The following COMMD1 variants were observed in gnomAD, a reference collection of about 807,000 sequenced individuals.
COMMD1 encodes COMM domain-containing protein 1.
Under a neutral mutation model 17.2 loss-of-function variants are expected in COMMD1, and 10 were observed. The observed-to-expected ratio is 0.58, with a 90% CI of 0.36 to 0.99. COMMD1 has a LOEUF of 0.99. Ranked by LOEUF, COMMD1 falls within the 50% of genes least tolerant of loss-of-function variation. The probability of loss-of-function intolerance (pLI) is 0.01; values close to 1 mark genes in which losing one functional copy is unlikely to be tolerated. For synonymous variants in COMMD1, 97 were observed against 91.6 expected (o/e 1.06, Z -0.34); for missense variants, 270 against 231.8 (o/e 1.17, Z -1.07).
intron 2 of COMMD1, among the ~76,000 whole-genome samples, chr2:62,038,522 G>T (rs1670101734): frequency 6.6e-6 from 1 of 151,604 alleles, no homozygotes; most frequent in Admixed American, 6.6e-5. Flanking sequence ...TTTATTTTTT[G>T]ATATTTTATT....
At chr2:61,992,587 G>A (rs536552994) in intron 1 of COMMD1, among the ~76,000 whole-genome samples, 1 of 152,308 alleles carries the variant, frequency 6.6e-6, no homozygotes, top group Admixed American at 6.5e-5. Context: ...AGAATATGCA[G>A]CAGAGGGTTA....
At chr2:62,124,939 A>G (rs1264640447) in intron 2 of COMMD1, among the ~76,000 whole-genome samples, 1 of 152,124 alleles carries the variant, frequency 6.6e-6, no homozygotes, top group African/African-American at 2.4e-5. Context: ...TTCTTCCTTG[A>G]GTTTCTAGTA....
intron 2 of COMMD1, among the ~76,000 whole-genome samples, chr2:62,135,577 T>TGTGA (rs1650118271): frequency 6.6e-6 from 1 of 152,112 alleles, no homozygotes; most frequent in African/African-American, 2.4e-5. Context: ...GGTCTCGATC[T>TGTGA]CCTGACCTTG....
At chr2:62,046,291 C>T (rs1452626262) in intron 2 of COMMD1, among the ~76,000 whole-genome samples, 1 of 152,150 alleles carries the variant, frequency 6.6e-6, no homozygotes, top group South Asian at 2.1e-4. Context: ...TATAAAGGTA[C>T]AGAAAAGTAA....
intron 2 of COMMD1, among the ~76,000 whole-genome samples, chr2:62,063,868 AATATATAT>A (rs55740628): frequency 5.3e-4 from 43 of 81,174 alleles, no homozygotes; most frequent in Middle Eastern, 6.4e-3. Flanking sequence ...GTCTCTACAA[AATATATAT>A]ATATATATAT....
At chr2:61,993,216 A>G (rs927837306) in intron 1 of COMMD1, among the ~76,000 whole-genome samples, 1 of 152,358 alleles carries the variant, frequency 6.6e-6, no homozygotes, top group African/African-American at 2.4e-5. Flanking sequence ...CACTTAGTTT[A>G]GGTTCAAGAT....
intron 2 of COMMD1, among the ~76,000 whole-genome samples, chr2:62,081,328 T>G (rs2103979214): frequency 6.6e-6 from 1 of 151,860 alleles, no homozygotes; most frequent in East Asian, 1.9e-4. Context: ...CTCGGCTCAC[T>G]GCAACCTCCG....
rs371201211 is a variant in COMMD1, at chr2:61,928,565, A to G, written c.180+22707A>G. The G allele has an allele frequency of 2.0e-5, 3 of 152,198 alleles. No individual in the cohort carries two copies. The East Asian group carries it at 5.8e-4, about 29-fold the overall frequency. 9.4% of individuals were successfully genotyped at this position (152,198 alleles called of 1,614,324 possible). A position where few individuals can be genotyped will look rare whatever the true frequency, so the allele number is the denominator to read the frequency against. Reference sequence around the variant, plus strand: ...ACATATTGACATTCTCAGGAATACAACCTTTATAGGACATGCTACCCCAAA... The same window carrying G: ...ACATATTGACATTCTCAGGAATACAGCCTTTATAGGACATGCTACCCCAAA... On this transcript the variant is annotated intron_variant, in intron 1 of 2. Coordinates refer to ENST00000311832, the MANE Select transcript of COMMD1 (RefSeq NM_152516.4).
chr2:61,944,637 C>G (rs1297493068), intron 1 of COMMD1, among the ~76,000 whole-genome samples: 6 of 152,090 alleles, frequency 3.9e-5, no homozygotes, highest in Non-Finnish European at 1.5e-5. Context: ...CAAATCCTCT[C>G]ATGGTACAAG....
chr2:62,029,988 T>A lies in COMMD1; in HGVS notation c.462+29006T>A, dbSNP rs117323994. On this transcript the variant is annotated intron_variant, in intron 2 of 2. Transcript: ENST00000311832. ...CAAAGATATAGGGAAATTGTTCATT[T>A]TCATGCTTAGGTCCAGCAAAGTATG... Among the ~76,000 whole-genome samples, 15 of 152,386 alleles carry A rather than the reference T, an allele frequency of 9.8e-5. No individual in the cohort carries two copies. In the East Asian group the frequency reaches 2.7e-3, roughly 27 times the overall value.
Position 61,905,705 on chromosome 2 carries a change from C to G in COMMD1, c.27C>G (p.Gly9=), listed in dbSNP as rs142845673. The change falls in exon 1 of 3, where the codon GGC becomes GGG. Residue 9 remains glycine (G), a synonymous_variant. Coordinates refer to ENST00000311832, the MANE Select transcript of COMMD1 (RefSeq NM_152516.4). ...TGGCGGCGGGCGAGCTTGAGGGTGG[C>G]AAACCCCTGAGCGGGCTGCTGAATG... is the stretch of plus-strand genomic sequence containing the variant. MAAGELEG[G]KPLSGLLNAL... The G allele has an allele frequency of 6.2e-5, 99 of 1,589,678 alleles. No homozygotes were observed. The highest frequency in any genetic ancestry group is 3.2e-4 in the African/African-American group (24 of 74,650).
chr2:61,984,374 A>G (rs1268910514), intron 1 of COMMD1, among the ~76,000 whole-genome samples: 1 of 152,012 alleles, frequency 6.6e-6, no homozygotes, highest in Non-Finnish European at 1.5e-5. Flanking sequence ...TTCCTTCTTA[A>G]TCTCTTTATT....
chr2:61,917,034 C>T (rs749679101), intron 1 of COMMD1, among the ~76,000 whole-genome samples: 2 of 151,994 alleles, frequency 1.3e-5, no homozygotes, highest in African/African-American at 2.4e-5. Context: ...TTATGGAAAG[C>T]AATTGCAGTA....
chr2:61,980,924 C>T (rs1280348511), intron 1 of COMMD1, among the ~76,000 whole-genome samples: 1 of 152,124 alleles, frequency 6.6e-6, no homozygotes, highest in Non-Finnish European at 1.5e-5. Context: ...AGCATCTTTT[C>T]ATGTATGTTT....
intron 2 of COMMD1, among the ~76,000 whole-genome samples, chr2:62,095,263 C>T (rs1459172005): frequency 6.6e-6 from 1 of 152,134 alleles, no homozygotes; most frequent in Non-Finnish European, 1.5e-5. Context: ...GCGAAACATT[C>T]AAATGCAGAA....
chr2:62,076,196 C>T (rs1383054371), intron 2 of COMMD1, among the ~76,000 whole-genome samples: 1 of 150,010 alleles, frequency 6.7e-6, no homozygotes, highest in Non-Finnish European at 1.5e-5. Context: ...ATGTTCAAAA[C>T]ACTGTGTAGA....
intron 1 of COMMD1, among the ~76,000 whole-genome samples, chr2:61,964,560 C>T (rs77744693): frequency 0.11 from 16,390 of 151,068 alleles, 2,045 homozygotes; most frequent in African/African-American, 0.3. Flanking sequence ...TGAGGCTGGG[C>T]GTGGTGGCTA....
chr2:61,994,420 A>G (rs148029244), intron 1 of COMMD1, among the ~76,000 whole-genome samples: 1 of 152,320 alleles, frequency 6.6e-6, no homozygotes, highest in East Asian at 1.9e-4. Context: ...TATTTACCAT[A>G]TAATTTTTTA....
intron 2 of COMMD1, among the ~76,000 whole-genome samples, chr2:62,040,379 C>T (rs138886310): frequency 7.2e-5 from 11 of 152,186 alleles, no homozygotes; most frequent in African/African-American, 2.4e-4. Context: ...TACAATTCTC[C>T]CTGGTGTAAA....
Sources: gnomAD v4.1 joint callset for allele counts (sites outside exome capture counted in the v4.1 genomes callset) on GRCh38, gnomAD v4.1.1 for gene constraint, MANE v1.5 for transcripts, NCBI Gene and HGNC (gene_info 2026-07-23, HGNC 2026-07-21) for gene names.